The following SYNDIG1 variants were observed in gnomAD, a reference collection of about 807,000 sequenced individuals.
SYNDIG1 encodes synapse differentiation inducing 1.
SYNDIG1 carries 9 observed loss-of-function variants against 19.4 expected under a neutral mutation model. That is an observed-to-expected ratio of 0.46 (90% CI 0.28 to 0.81). SYNDIG1 has a LOEUF of 0.81. SYNDIG1 is among the 30% of genes least tolerant of loss of function. SYNDIG1 has a pLI of 0.12. For missense variants in SYNDIG1, 311 were observed against 343.3 expected, an observed-to-expected ratio of 0.91 and a Z score of 0.74; for synonymous variants, 141 against 145.9, an observed-to-expected ratio of 0.97 and a Z score of 0.24.
intron 3 of SYNDIG1, among the ~76,000 whole-genome samples, chr20:24,590,547 G>A (rs1343974238): frequency 6.6e-6 from 1 of 152,186 alleles, no homozygotes; most frequent in Admixed American, 6.5e-5. Context: ...TGTGCTGCAG[G>A]AGTGGCTGGG....
intron 1 of SYNDIG1, among the ~76,000 whole-genome samples, chr20:24,533,375 G>T (rs1029587845): frequency 2.6e-5 from 4 of 152,148 alleles, no homozygotes; most frequent in Non-Finnish European, 2.9e-5. Flanking sequence ...GAAACAAACT[G>T]CAGTCGTCTA....
intron 1 of SYNDIG1, among the ~76,000 whole-genome samples, chr20:24,470,153 C>T (rs1468857826): frequency 6.6e-6 from 1 of 152,180 alleles, no homozygotes; most frequent in African/African-American, 2.4e-5. Flanking sequence ...CCCAGCAGGG[C>T]CATGAGGGCG....
chr20:24,619,285 A>AG (rs2059000373), intron 3 of SYNDIG1, among the ~76,000 whole-genome samples: 5 of 152,218 alleles, frequency 3.3e-5, no homozygotes, highest in Admixed American at 3.3e-4. Flanking sequence ...CTGGCTGCGC[A>AG]GTGTGTCCAC....
chr20:24,543,999 G>C (rs1003649683), intron 2 of SYNDIG1, among the ~76,000 whole-genome samples: 4 of 152,150 alleles, frequency 2.6e-5, no homozygotes, highest in African/African-American at 9.7e-5. Context: ...TGTCACCTGT[G>C]GTTCCTTGAC....
intron 1 of SYNDIG1, among the ~76,000 whole-genome samples, chr20:24,516,591 A>T (rs1029024668): frequency 1.3e-5 from 2 of 152,248 alleles, no homozygotes; most frequent in Non-Finnish European, 2.9e-5. Context: ...TGGCCATCAG[A>T]GAAATACAAA....
At chr20:24,574,198 C>T (rs910553668) in intron 2 of SYNDIG1, among the ~76,000 whole-genome samples, 4 of 151,954 alleles carry the variant, frequency 2.6e-5, no homozygotes, top group African/African-American at 4.8e-5. Flanking sequence ...GTTTGTTAGG[C>T]GGGGCACGGT....
At chr20:24,664,175 G>T (rs1381445219) in intron 3 of SYNDIG1, among the ~76,000 whole-genome samples, 1 of 152,086 alleles carries the variant, frequency 6.6e-6, no homozygotes, top group Non-Finnish European at 1.5e-5. Context: ...TTCCCCACAC[G>T]ACACAGACTT....
At chr20:24,575,938 C>G (rs933514699) in intron 2 of SYNDIG1, among the ~76,000 whole-genome samples, 1 of 152,164 alleles carries the variant, frequency 6.6e-6, no homozygotes, top group Admixed American at 6.5e-5. Context: ...GACATCCACC[C>G]CACACCCCCC....
chr20:24,634,033 C>T (rs1353098181), intron 3 of SYNDIG1, among the ~76,000 whole-genome samples: 2 of 152,166 alleles, frequency 1.3e-5, no homozygotes, highest in African/African-American at 2.4e-5. Flanking sequence ...ATATAGTGTA[C>T]TCAACTTGGA....
rs1458847770 is a variant in SYNDIG1, at chr20:24,543,410, G to A, written c.313G>A (p.Gly105Ser). The change falls in exon 2 of 4, where the codon GGT becomes AGT. Residue 105 changes from glycine (G) to serine (S), a missense_variant. By Grantham distance (56) the Gly-to-Ser change is moderately conservative (BLOSUM62 0). Transcript: ENST00000376862. ...GGGCGTGCTGCGCTCCTGGGGGGAC[G>A]GTGTGGCCGCCGACTGCTGCGAGAC... ...SEGVLRSWGD[G>S]VAADCCETTF... is the part of the protein sequence containing the mutation. 7 of 1,613,654 alleles carry A rather than the reference G, an allele frequency of 4.3e-6. No individual in the cohort carries two copies. Among genetic ancestry groups the A allele is most frequent in the Non-Finnish European group, 5.1e-6 (6 of 1,180,024 alleles).
chr20:24,519,785 C>CCT (rs145049673), intron 1 of SYNDIG1, among the ~76,000 whole-genome samples: 19 of 151,510 alleles, frequency 1.3e-4, no homozygotes, highest in Non-Finnish European at 2.5e-4. Flanking sequence ...TCTCCTTCTC[C>CCT]CTCTCTCTCT....
chr20:24,562,030 T>C (rs1019372556), intron 2 of SYNDIG1, among the ~76,000 whole-genome samples: 2 of 151,430 alleles, frequency 1.3e-5, no homozygotes, highest in Non-Finnish European at 1.5e-5. Context: ...AGTTTCACCT[T>C]CTTATAGTTG....
chr20:24,568,113 C>A (rs1312779981), intron 2 of SYNDIG1, among the ~76,000 whole-genome samples: 1 of 152,032 alleles, frequency 6.6e-6, no homozygotes, highest in African/African-American at 2.4e-5. Flanking sequence ...TGCACTCCAG[C>A]CTGGGCGACA....
In SYNDIG1 at chr20:24,473,157, A is replaced by C. The variant is rs536424143; in HGVS notation, c.-79+3404A>C. Among the ~76,000 whole-genome samples, 4 of 152,300 alleles carry C rather than the reference A, an allele frequency of 2.6e-5. No individual in the cohort carries two copies. In the East Asian group the frequency reaches 5.8e-4, roughly 22 times the overall value. ...AGTGGGTAAAGGTGACAAGGACTGAAGTATGTGGGGTGTTAATTTGACAAC... is the reference window on the plus strand; with the variant it reads ...AGTGGGTAAAGGTGACAAGGACTGACGTATGTGGGGTGTTAATTTGACAAC... On this transcript the variant is annotated intron_variant, in intron 1 of 3. Coordinates refer to ENST00000376862, the MANE Select transcript of SYNDIG1 (RefSeq NM_024893.3).
chr20:24,620,593 C>G (rs554895116), intron 3 of SYNDIG1, among the ~76,000 whole-genome samples: 1 of 152,340 alleles, frequency 6.6e-6, no homozygotes, highest in Admixed American at 6.5e-5. Context: ...ACCTTCAAAG[C>G]TAGGCAGCAT....
At chr20:24,547,898 G>C (rs73902582) in intron 2 of SYNDIG1, among the ~76,000 whole-genome samples, 3,328 of 152,282 alleles carry the variant, frequency 0.022, 104 homozygotes, top group African/African-American at 0.075. Flanking sequence ...CCTTAGAGAT[G>C]GTGACCAGAT....
chr20:24,553,019 G>A (rs1402018923), intron 2 of SYNDIG1, among the ~76,000 whole-genome samples: 8 of 151,708 alleles, frequency 5.3e-5, no homozygotes, highest in Admixed American at 2.0e-4. Flanking sequence ...GTGTGAGATG[G>A]TATCTCATTG....
intron 3 of SYNDIG1, among the ~76,000 whole-genome samples, chr20:24,622,525 T>C (rs1396888619): frequency 5.9e-5 from 9 of 152,182 alleles, no homozygotes; most frequent in African/African-American, 2.2e-4. Flanking sequence ...TCCTGTCAGA[T>C]CACTGGTGGC....
intron 1 of SYNDIG1, among the ~76,000 whole-genome samples, chr20:24,498,877 G>A (rs1363707631): frequency 1.3e-5 from 2 of 152,160 alleles, no homozygotes; most frequent in East Asian, 3.9e-4. Flanking sequence ...CAGGGAACAC[G>A]GGTGTGCGGC....
Sources: gnomAD v4.1 joint callset for allele counts (sites outside exome capture counted in the v4.1 genomes callset) on GRCh38, gnomAD v4.1.1 for gene constraint, MANE v1.5 for transcripts, NCBI Gene and HGNC (gene_info 2026-07-23, HGNC 2026-07-21) for gene names.